The following C12orf42 variants were observed in gnomAD, a reference collection of about 807,000 sequenced individuals.
C12orf42 encodes uncharacterized protein C12orf42.
C12orf42 carries 25 observed loss-of-function variants against 21.6 expected under a neutral mutation model. The ratio of observed to expected loss-of-function variants is 1.16; its 90% CI spans 0.84 to 1.62. C12orf42 has a LOEUF of 1.62. C12orf42 is among the 40% of genes most tolerant of loss of function. C12orf42 has a pLI of 0.00. For synonymous variants in C12orf42, 174 were observed against 175.0 expected (o/e 0.99, Z 0.05); for missense variants, 483 against 459.3 (o/e 1.05, Z -0.47).
chr12:103,447,521 A>G (rs1432260344), intron 2 of C12orf42, among the ~76,000 whole-genome samples: 2 of 152,002 alleles, frequency 1.3e-5, no homozygotes, highest in African/African-American at 4.8e-5. Flanking sequence ...TGCTGATGAT[A>G]TAATCATACA....
intron 5 of C12orf42, among the ~76,000 whole-genome samples, chr12:103,303,016 A>AT (rs925641728): frequency 1.4e-4 from 22 of 152,000 alleles, no homozygotes; most frequent in African/African-American, 4.1e-4. Flanking sequence ...TCAACTGATG[A>AT]TTTTTTTTAA....
intron 2 of C12orf42, among the ~76,000 whole-genome samples, chr12:103,436,156 T>C (rs890769486): frequency 6.6e-6 from 1 of 151,090 alleles, no homozygotes; most frequent in African/African-American, 2.4e-5. Context: ...AAACTAAGCT[T>C]CATAAGTGAA....
the C12orf42 span, among the ~76,000 whole-genome samples, chr12:103,128,710 A>AT: frequency 1.3e-5 from 2 of 152,170 alleles, no homozygotes; most frequent in Admixed American, 6.5e-5. Flanking sequence ...TAGGCACTCA[A>AT]TACATGGAGT....
intron 5 of C12orf42, among the ~76,000 whole-genome samples, chr12:103,303,990 A>G (rs1250059631): frequency 6.6e-6 from 1 of 152,218 alleles, no homozygotes; most frequent in East Asian, 1.9e-4. Context: ...GGCATGACCT[A>G]GACAGGATAT....
intron 2 of C12orf42, among the ~76,000 whole-genome samples, chr12:103,417,959 A>C (rs1378035032): frequency 6.6e-6 from 1 of 152,230 alleles, no homozygotes; most frequent in East Asian, 1.9e-4. Context: ...TCTGGCAAAG[A>C]ATATCCATTA....
intron 1 of C12orf42, among the ~76,000 whole-genome samples, chr12:103,481,393 G>T (rs1954460544): frequency 6.6e-6 from 1 of 151,872 alleles, no homozygotes; most frequent in African/African-American, 2.4e-5. Context: ...AGTCTTAAAT[G>T]ATCAAGAGTC....
the C12orf42 span, among the ~76,000 whole-genome samples, chr12:103,066,315 G>T: frequency 6.6e-6 from 1 of 152,138 alleles, no homozygotes; most frequent in Non-Finnish European, 1.5e-5. Context: ...ACGTGACTGG[G>T]CTGGAGCAGG....
At chr12:103,109,376 T>A in the C12orf42 span, among the ~76,000 whole-genome samples, 1 of 151,978 alleles carries the variant, frequency 6.6e-6, no homozygotes, top group Non-Finnish European at 1.5e-5. Flanking sequence ...TGTAGGCACA[T>A]GCCAGAGCCT....
the C12orf42 span, among the ~76,000 whole-genome samples, chr12:103,197,537 C>T: frequency 6.6e-6 from 1 of 152,132 alleles, no homozygotes; most frequent in Admixed American, 6.6e-5. Flanking sequence ...TCCTTGCCAT[C>T]CAGATTCTGA....
the C12orf42 span, chr12:103,162,946 A>G: frequency 6.6e-6 from 1 of 152,222 alleles, no homozygotes; most frequent in Non-Finnish European, 1.5e-5. Context: ...CCATGGATTC[A>G]TGAGGTGAGA....
At chr12:103,539,309 G>A in the C12orf42 span, among the ~76,000 whole-genome samples, 9 of 152,128 alleles carry the variant, frequency 5.9e-5, no homozygotes, top group South Asian at 1.9e-3. Context: ...GTGTGTGTGG[G>A]TATGTGTGCA....
the C12orf42 span, among the ~76,000 whole-genome samples, chr12:103,199,645 G>T: frequency 1.3e-5 from 2 of 152,000 alleles, no homozygotes; most frequent in Non-Finnish European, 2.9e-5. Context: ...GTTAAAATAG[G>T]CAAAGAAACC....
At chr12:103,246,154 C>T (rs2033997976) in intron 10 of C12orf42, among the ~76,000 whole-genome samples, 1 of 152,054 alleles carries the variant, frequency 6.6e-6, no homozygotes, top group African/African-American at 2.4e-5. Flanking sequence ...CTTACAGATT[C>T]AGTCATAGTA....
chr12:103,548,475 C>T, the C12orf42 span, among the ~76,000 whole-genome samples: 82 of 152,134 alleles, frequency 5.4e-4, no homozygotes, highest in African/African-American at 1.8e-3. Flanking sequence ...TAATGAAACT[C>T]GACATAAATA....
chr12:103,230,306 T>C, the C12orf42 span, among the ~76,000 whole-genome samples: 4 of 152,182 alleles, frequency 2.6e-5, no homozygotes, highest in Non-Finnish European at 5.9e-5. Flanking sequence ...GGAAGAATTT[T>C]TTTTTTTAAT....
intron 2 of C12orf42, among the ~76,000 whole-genome samples, chr12:103,440,717 G>C (rs1378810886): frequency 6.6e-6 from 1 of 151,988 alleles, no homozygotes; most frequent in African/African-American, 2.4e-5. Flanking sequence ...ACCCAGATTG[G>C]CCTAACTCCA....
chr12:103,283,212 G>A lies in C12orf42; in HGVS notation n.338-6002C>T, dbSNP rs115504107. Among the ~76,000 whole-genome samples the A allele has an allele frequency of 9.4e-3, 1,432 of 152,184 alleles. 15 individuals carry two copies. Among genetic ancestry groups the A allele is most frequent in the African/African-American group, 0.032 (1,320 of 41,524 alleles). ...CCTTTGCATGTCATCAGTATACCAC[G>A]TAGGCATGGAGTAAGGTGCTGCCAG... is the stretch of plus-strand genomic sequence containing the variant. On this transcript the variant is annotated intron_variant and non_coding_transcript_variant, in intron 4 of 6. Coordinates refer to the C12orf42 transcript ENST00000546526.
intron 3 of C12orf42, among the ~76,000 whole-genome samples, chr12:103,372,944 AT>A (rs1164605447): frequency 1.3e-5 from 2 of 152,200 alleles, no homozygotes; most frequent in African/African-American, 4.8e-5. Context: ...TCAAGGTATG[AT>A]TTACTGAAGT....
the C12orf42 span, among the ~76,000 whole-genome samples, chr12:103,537,546 G>A: frequency 6.6e-6 from 1 of 152,066 alleles, no homozygotes; most frequent in East Asian, 1.9e-4. Flanking sequence ...TAATCTTTTG[G>A]CAATTCCTAA....
Sources: allele counts gnomAD v4.1 joint callset (sites outside exome capture counted in the v4.1 genomes callset), GRCh38; gene constraint gnomAD v4.1.1; transcripts MANE v1.5; gene names NCBI Gene and HGNC (gene_info 2026-07-23, HGNC 2026-07-21).